NACC2: variants seen among roughly 807,000 people sequenced by gnomAD.
The protein encoded by NACC2 is nucleus accumbens-associated protein 2.
Under a neutral mutation model 25.1 loss-of-function variants are expected in NACC2, and 8 were observed. That is an observed-to-expected ratio of 0.32 (90% CI 0.19 to 0.57). The LOEUF is 0.57. Ranked by LOEUF, NACC2 falls within the 20% of genes least tolerant of loss-of-function variation. The pLI, the probability that NACC2 is intolerant of heterozygous loss-of-function variation, is 0.89. For missense variants in NACC2, 644 were observed against 650.2 expected (o/e 0.99, Z 0.10); for synonymous variants, 435 against 294.7 (o/e 1.48, Z -4.88).
intron 1 of NACC2, among the ~76,000 whole-genome samples, chr9:136,062,168 AGGAC>A (rs879841058): frequency 0.037 from 5,385 of 146,476 alleles, 138 homozygotes; most frequent in Admixed American, 0.074. Flanking sequence ...AGGACAGGAC[AGGAC>A]AGGAAAGGAA....
At position 136,082,786 on chromosome 9, in the gene NACC2, G is replaced by A. The variant is rs542017664; in HGVS notation, c.-60+12403C>T. Among the ~76,000 whole-genome samples, 56 of 152,302 alleles carry A rather than the reference G, an allele frequency of 3.7e-4. 1 individual carries two copies. Among genetic ancestry groups the A allele is most frequent in the African/African-American group, 1.2e-3 (51 of 41,568 alleles). ...CGGGTGGGGCTGGCTCTTGGCCAGC[G>A]GATCCCACAGACGCCCCGTTCTCTG... On this transcript the variant is annotated intron_variant, in intron 1 of 5. Transcript: ENST00000277554.
In NACC2 at chr9:136,013,076, C is replaced by T. The variant is rs536441541; in HGVS notation, c.1255+123G>A. 25 of 735,990 alleles carry T rather than the reference C, an allele frequency of 3.4e-5. No individual in the cohort carries two copies. In the African/African-American group the frequency reaches 3.9e-4, roughly 11 times the overall value. 45.6% of individuals were successfully genotyped at this position (735,990 alleles called of 1,614,324 possible). A position where few individuals can be genotyped will look rare whatever the true frequency, so the allele number is the denominator to read the frequency against. The stretch of plus-strand genomic sequence containing the variant: ...ATCTTCCCCTCAATCAGACCATGCT[C>T]GGCCCCCAGGGACGGAAGCTGCAGG... On this transcript the variant is annotated intron_variant, in intron 5 of 5. Coordinates refer to ENST00000277554, the MANE Select transcript of NACC2 (RefSeq NM_144653.5). The surrounding 1 kb of genome is among the most constrained non-coding windows in gnomAD (Gnocchi z 6.6).
intron 1 of NACC2, among the ~76,000 whole-genome samples, chr9:136,054,367 G>C (rs962943286): frequency 3.3e-5 from 5 of 152,222 alleles, no homozygotes; most frequent in African/African-American, 1.2e-4. Flanking sequence ...CTTGTCCTCA[G>C]GCCACCTGCA....
chr9:136,062,777 T>C (rs543322245), intron 1 of NACC2, among the ~76,000 whole-genome samples: 1 of 152,016 alleles, frequency 6.6e-6, no homozygotes, highest in East Asian at 1.9e-4. Context: ...CTTAGCCAAG[T>C]GTGGTGGTGT....
At position 136,013,805 on chromosome 9, in the gene NACC2, A is replaced by G; in HGVS notation, c.1157+59T>C. On this transcript the variant is annotated intron_variant, in intron 4 of 5. Transcript: ENST00000277554. The surrounding 1 kb of genome is among the most constrained non-coding windows in gnomAD (Gnocchi z 6.6). ...TGGACGATCAGACAGCTCATAGCTA[A>G]AGGAGCCAGAACCCTCCGCAGCTCC... The G allele has an allele frequency of 6.9e-7, 1 of 1,446,976 alleles. No individual in the cohort carries two copies. Among genetic ancestry groups the G allele is most frequent in the South Asian group, 1.2e-5 (1 of 85,482 alleles). The allele number at this position is 1,446,976 out of a possible 1,614,324, so 89.6% of individuals were successfully genotyped here.
intron 2 of NACC2, among the ~76,000 whole-genome samples, chr9:136,023,661 G>A (rs1189497959): frequency 2.0e-5 from 3 of 152,182 alleles, no homozygotes; most frequent in Non-Finnish European, 4.4e-5. Flanking sequence ...TCCCTTTCCT[G>A]CTCTACATCC....
rs1564212882 is a variant in NACC2, at chr9:136,007,474, CAG to C, written c.*4040_*4041del. On this transcript the variant is annotated 3_prime_UTR_variant, in exon 6 of 6. Transcript: ENST00000277554. ...ACACGCGCACACAGACGCACACACA[CAG>C]ACGCACACACGCACAGACACACACA... 1.4e-5 allele frequency: 2 copies of C among 147,304 alleles called. No homozygotes were observed. Among genetic ancestry groups the C allele is most frequent in the African/African-American group, 5.1e-5 (2 of 39,320 alleles). 9.1% of individuals were successfully genotyped at this position (147,304 alleles called of 1,614,324 possible). A position where few individuals can be genotyped will look rare whatever the true frequency, so the allele number is the denominator to read the frequency against.
intron 2 of NACC2, among the ~76,000 whole-genome samples, chr9:136,048,248 C>G (rs1337681849): frequency 6.6e-6 from 1 of 152,220 alleles, no homozygotes; most frequent in Non-Finnish European, 1.5e-5. Context: ...CCAGCAGCCT[C>G]TGGCTGGTCC....
intron 1 of NACC2, among the ~76,000 whole-genome samples, chr9:136,074,918 T>C (rs2131180930): frequency 6.6e-6 from 1 of 152,242 alleles, no homozygotes; most frequent in East Asian, 1.9e-4. Context: ...CTGGCGGGAA[T>C]GGGTTCTCGC....
chr9:136,047,591 T>A (rs967867818), intron 2 of NACC2, among the ~76,000 whole-genome samples: 11 of 152,312 alleles, frequency 7.2e-5, no homozygotes, highest in African/African-American at 2.2e-4. Flanking sequence ...TGCAGGAACA[T>A]GGCCTTGAGG....
intron 1 of NACC2, among the ~76,000 whole-genome samples, chr9:136,094,450 G>A (rs139120385): frequency 2.4e-3 from 370 of 152,336 alleles, no homozygotes; most frequent in Non-Finnish European, 4.1e-3. Context: ...TCCGTCGGAA[G>A]GCCTCGGTCC....
chr9:136,057,515 T>C lies in NACC2; in HGVS notation c.-59-6935A>G, dbSNP rs76205308. On this transcript the variant is annotated intron_variant, in intron 1 of 5. Coordinates refer to ENST00000277554, the MANE Select transcript of NACC2 (RefSeq NM_144653.5). The stretch of plus-strand genomic sequence containing the variant: ...AACATTCTAGAAGGTTTCCAAAGAA[T>C]TAAGCTGTGTTTCGAAAAGAGCCGA... Among the ~76,000 whole-genome samples the C allele has an allele frequency of 1.0e-3, 152 of 152,346 alleles. No individual in the cohort carries two copies. In the East Asian group the frequency reaches 0.025, roughly 25 times the overall value.
chr9:136,059,637 G>C (rs777455202), intron 1 of NACC2, among the ~76,000 whole-genome samples: 1 of 152,200 alleles, frequency 6.6e-6, no homozygotes, highest in Non-Finnish European at 1.5e-5. Flanking sequence ...TGAGCAGGCC[G>C]CAGGGCCGGG....
At chr9:136,094,936 C>T (rs1374118750) in intron 1 of NACC2, among the ~76,000 whole-genome samples, 1 of 147,430 alleles carries the variant, frequency 6.8e-6, no homozygotes, top group Admixed American at 6.7e-5. Context: ...GGCCCGGGGT[C>T]GCGGGCGCCT....
At chr9:136,023,181 G>A (rs1303491379) in intron 2 of NACC2, among the ~76,000 whole-genome samples, 4 of 149,454 alleles carry the variant, frequency 2.7e-5, no homozygotes, top group East Asian at 2.0e-4. Context: ...CTGGAAACCC[G>A]GATGGAAAGG....
chr9:136,062,172 C>CAGGACAGGAAAGGAA (rs1554741080), intron 1 of NACC2, among the ~76,000 whole-genome samples: 1 of 97,688 alleles, frequency 1.0e-5, no homozygotes, highest in Admixed American at 1.1e-4. Context: ...CAGGACAGGA[C>CAGGACAGGAAAGGAA]AGGAAAGGAA....
intron 1 of NACC2, among the ~76,000 whole-genome samples, chr9:136,073,937 G>A (rs939703557): frequency 7.9e-5 from 12 of 152,270 alleles, no homozygotes; most frequent in South Asian, 6.2e-4. Flanking sequence ...CCTGAAAGCA[G>A]ACCCTGGCTC....
At chr9:136,082,746 GC>G (rs1215648571) in intron 1 of NACC2, among the ~76,000 whole-genome samples, 1 of 152,190 alleles carries the variant, frequency 6.6e-6, no homozygotes, top group Non-Finnish European at 1.5e-5. Flanking sequence ...TCAGATCACA[GC>G]CCCCTCTCCC....
At chr9:136,082,351 T>G (rs950317912) in intron 1 of NACC2, among the ~76,000 whole-genome samples, 4 of 152,242 alleles carry the variant, frequency 2.6e-5, no homozygotes, top group Non-Finnish European at 4.4e-5. Context: ...CTGTGCCACG[T>G]GCTGAGCCGG....
Sources: allele counts gnomAD v4.1 joint callset (sites outside exome capture counted in the v4.1 genomes callset), GRCh38; gene constraint gnomAD v4.1.1; non-coding constraint Gnocchi (gnomAD v3.1); transcripts MANE v1.5; gene names NCBI Gene and HGNC (gene_info 2026-07-23, HGNC 2026-07-21).